ABCD3: variants seen among roughly 807,000 people sequenced by gnomAD.
ABCD3 encodes the protein ATP binding cassette subfamily D member 3.
In ABCD3, 41 loss-of-function variants were observed where a neutral mutation model predicts 105.5. That is an observed-to-expected ratio of 0.39 (90% CI 0.30 to 0.50). The LOEUF (loss-of-function observed/expected upper bound fraction) is 0.50. Among genes scored for constraint, ABCD3 ranks in the 20% least tolerant of loss-of-function variants. The pLI, the probability that ABCD3 is intolerant of heterozygous loss-of-function variation, is 0.84. For missense variants in ABCD3, 622 were observed against 806.3 expected (o/e 0.77, Z 2.77); for synonymous variants, 258 against 269.0 (o/e 0.96, Z 0.40).
At chr1:94,462,230 G>A (rs1186169708) in intron 2 of ABCD3, among the ~76,000 whole-genome samples, 1 of 152,060 alleles carries the variant, frequency 6.6e-6, no homozygotes, top group African/African-American at 2.4e-5. Context: ...GTTTAGAAGT[G>A]GGAAAAGTGG....
intron 1 of ABCD3, among the ~76,000 whole-genome samples, chr1:94,452,335 TGAGA>T (rs764666783): frequency 5.3e-5 from 8 of 152,072 alleles, no homozygotes; most frequent in Non-Finnish European, 1.2e-4. Context: ...AATAGTGGGG[TGAGA>T]GAGAGCGCAG....
chr1:94,459,402 A>G (rs1647759289), intron 2 of ABCD3, among the ~76,000 whole-genome samples: 1 of 152,154 alleles, frequency 6.6e-6, no homozygotes, highest in Non-Finnish European at 1.5e-5. Context: ...AATGGAATGT[A>G]GTTGTCCAGT....
chr1:94,445,367 A>G (rs573339374), intron 1 of ABCD3, among the ~76,000 whole-genome samples: 31 of 152,240 alleles, frequency 2.0e-4, no homozygotes, highest in African/African-American at 7.5e-4. Context: ...GAGAACATGG[A>G]ACTAAGCAGG....
chr1:94,476,802 G>A (rs781634758), intron 7 of ABCD3, among the ~76,000 whole-genome samples: 20 of 151,938 alleles, frequency 1.3e-4, no homozygotes, highest in Non-Finnish European at 2.5e-4. Context: ...TCCCAAACTC[G>A]GGAACTCTGA....
chr1:94,506,971 AGATT>A (rs971558472), intron 21 of ABCD3, among the ~76,000 whole-genome samples: 3 of 151,678 alleles, frequency 2.0e-5, no homozygotes, highest in African/African-American at 7.3e-5. Context: ...TTATGTTAAA[AGATT>A]TATTTATTTA....
rs1650796815 is a variant in ABCD3, at chr1:94,513,786, T to C, written c.1846-1360T>C. Reference sequence around the variant, plus strand: ...ATTAAGTAGATGTCTAATCCAATTATTGTAGTATCATAAACAGAGAAATAA... The same window carrying C: ...ATTAAGTAGATGTCTAATCCAATTACTGTAGTATCATAAACAGAGAAATAA... On this transcript the variant is annotated intron_variant, in intron 21 of 22. Transcript: ENST00000370214. The C allele has an allele frequency of 2.0e-5, 3 of 151,982 alleles. No individual in the cohort carries two copies. The South Asian group carries it at 6.2e-4, about 31-fold the overall frequency. 9.4% of individuals were successfully genotyped at this position (151,982 alleles called of 1,614,324 possible).
At chr1:94,422,079 T>G (rs997432069) in intron 1 of ABCD3, among the ~76,000 whole-genome samples, 19 of 152,222 alleles carry the variant, frequency 1.2e-4, no homozygotes, top group Admixed American at 8.5e-4. Context: ...ATACTTCTTT[T>G]TCTTCAAGAC....
intron 7 of ABCD3, 33 bp from the exon 8 acceptor site, chr1:94,478,226 T>G: frequency 7.5e-7 from 1 of 1,327,408 alleles, no homozygotes; most frequent in Non-Finnish European, 1.1e-6. Flanking sequence ...TGCTTTAGTT[T>G]TAATTCTGTG....
At chr1:94,446,311 G>A (rs772614731) in intron 1 of ABCD3, among the ~76,000 whole-genome samples, 1 of 152,212 alleles carries the variant, frequency 6.6e-6, no homozygotes, top group African/African-American at 2.4e-5. Flanking sequence ...AAAGCTGTGA[G>A]CCTTCTGCCT....
chr1:94,479,941 C>T (rs1229464498), intron 8 of ABCD3, among the ~76,000 whole-genome samples: 4 of 151,860 alleles, frequency 2.6e-5, no homozygotes, highest in Non-Finnish European at 5.9e-5. Context: ...AGACAGAGCT[C>T]GTTCAGGGGG....
chr1:94,429,874 A>G (rs1659608028), intron 1 of ABCD3, among the ~76,000 whole-genome samples: 1 of 152,212 alleles, frequency 6.6e-6, no homozygotes, highest in African/African-American at 2.4e-5. Flanking sequence ...GAAGAGGGCC[A>G]CTGTCCTCCA....
At chr1:94,485,571 T>C (rs549738803) in intron 10 of ABCD3, among the ~76,000 whole-genome samples, 2 of 152,206 alleles carry the variant, frequency 1.3e-5, no homozygotes, top group African/African-American at 4.8e-5. Flanking sequence ...TCTCATCCTT[T>C]AGATTTTCAG....
At chr1:94,387,136 A>G in the ABCD3 span, among the ~76,000 whole-genome samples, 1 of 152,086 alleles carries the variant, frequency 6.6e-6, no homozygotes, top group Non-Finnish European at 1.5e-5. Flanking sequence ...TTATTTCACA[A>G]TTTACGGAAG....
At chr1:94,410,287 G>T in the ABCD3 span, among the ~76,000 whole-genome samples, 6 of 152,040 alleles carry the variant, frequency 3.9e-5, no homozygotes, top group African/African-American at 1.2e-4. Flanking sequence ...TTATTACAGT[G>T]GTCCTTGTGG....
At chr1:94,500,323 A>G (rs202065142) in intron 20 of ABCD3, among the ~76,000 whole-genome samples, 1 of 152,106 alleles carries the variant, frequency 6.6e-6, no homozygotes, top group Non-Finnish European at 1.5e-5. Context: ...GCACACACCT[A>G]TAGTCCTAGC....
intron 10 of ABCD3, among the ~76,000 whole-genome samples, chr1:94,486,307 A>G (rs967981790): frequency 6.6e-6 from 1 of 152,182 alleles, no homozygotes; most frequent in Non-Finnish European, 1.5e-5. Flanking sequence ...CCTGGAACCA[A>G]TCCCATCCCC....
chr1:94,495,419 A>G (rs1649749515), intron 16 of ABCD3, among the ~76,000 whole-genome samples: 1 of 152,174 alleles, frequency 6.6e-6, no homozygotes, highest in African/African-American at 2.4e-5. Context: ...GTCTTAATTT[A>G]ACCCCACAAA....
intron 21 of ABCD3, among the ~76,000 whole-genome samples, chr1:94,507,133 CT>C (rs1233539968): frequency 2.6e-5 from 4 of 151,924 alleles, no homozygotes; most frequent in Non-Finnish European, 5.9e-5. Flanking sequence ...AATGCTATCC[CT>C]CCCCCCTTCC....
chr1:94,507,942 G>T (rs1279756663), intron 21 of ABCD3, among the ~76,000 whole-genome samples: 3 of 148,504 alleles, frequency 2.0e-5, no homozygotes, highest in Non-Finnish European at 4.5e-5. Flanking sequence ...TTTGTAGGCT[G>T]CCTGTTCACT....
Sources: gnomAD v4.1 joint callset for allele counts (sites outside exome capture counted in the v4.1 genomes callset) on GRCh38, gnomAD v4.1.1 for gene constraint, MANE v1.5 for transcripts, NCBI Gene and HGNC (gene_info 2026-07-23, HGNC 2026-07-21) for gene names.